Variants in NEXN observed in about 807,000 individuals in gnomAD.
NEXN encodes nexilin.
A neutral mutation model predicts 92.6 loss-of-function variants in NEXN; 65 were observed. That is an observed-to-expected ratio of 0.70 (90% CI 0.57 to 0.86). NEXN has a LOEUF of 0.86. NEXN is among the 40% of genes least tolerant of loss of function. The pLI, the probability that NEXN is intolerant of heterozygous loss-of-function variation, is 0.00. For missense variants in NEXN, 778 were observed against 771.1 expected (o/e 1.01, Z -0.11); for synonymous variants, 254 against 242.5 (o/e 1.05, Z -0.44).
chr1:77,892,150 G>A (rs1202163005), intron 1 of NEXN, among the ~76,000 whole-genome samples: 1 of 151,794 alleles, frequency 6.6e-6, no homozygotes, highest in Non-Finnish European at 1.5e-5. Context: ...TTAAAATATC[G>A]ATTTACGTCC....
At chr1:77,900,183 T>A (rs748043448) in intron 1 of NEXN, among the ~76,000 whole-genome samples, 1 of 152,162 alleles carries the variant, frequency 6.6e-6, no homozygotes, top group African/African-American at 2.4e-5. Context: ...TTGCAATGGG[T>A]CACCAGGCAT....
chr1:77,932,988 C>T, intron 9 of NEXN: 1 of 262,990 alleles, frequency 3.8e-6, no homozygotes, highest in East Asian at 9.4e-5. Flanking sequence ...ATGGAGAAAC[C>T]CCGTCTCTAC....
chr1:77,915,843 C>A (rs1229481846), intron 1 of NEXN, among the ~76,000 whole-genome samples: 3 of 152,104 alleles, frequency 2.0e-5, no homozygotes, highest in African/African-American at 7.2e-5. Flanking sequence ...TATTCTGGAT[C>A]AAAAACTTTC....
intron 9 of NEXN, 127 bp downstream of exon 9, chr1:77,929,631 A>G: frequency 7.7e-7 from 1 of 1,295,940 alleles, no homozygotes; most frequent in Admixed American, 1.8e-5. Context: ...AATGGCAAAT[A>G]TGTTTTAAAG....
intron 10 of NEXN, among the ~76,000 whole-genome samples, chr1:77,934,027 T>TTTTTTTTTG (rs1650535247): frequency 1.3e-5 from 2 of 149,152 alleles, no homozygotes; most frequent in Non-Finnish European, 3.0e-5. Flanking sequence ...TTTTTTTTTT[T>TTTTTTTTTG]GAGATGGAGT....
Position 77,918,335 on chromosome 1 carries a change from C to G in NEXN, c.447+62C>G, listed in dbSNP as rs987534795. On this transcript the variant is annotated intron_variant, in intron 5 of 12. Coordinates refer to ENST00000334785, the MANE Select transcript of NEXN (RefSeq NM_144573.4). ...ACTAACTGTGCAAAGTAAAACTAAT[C>G]AGTATGTTGCCTAATTAAAATATTT... is the stretch of plus-strand genomic sequence containing the variant. 17 of 1,494,518 alleles carry G rather than the reference C, an allele frequency of 1.1e-5. No homozygotes were observed. The African/African-American group carries it at 1.5e-4, about 13-fold the overall frequency. 92.6% of individuals were successfully genotyped at this position (1,494,518 alleles called of 1,614,324 possible). A position where few individuals can be genotyped will look rare whatever the true frequency, so the allele number is the denominator to read the frequency against.
intron 3 of NEXN, 69 bp from the exon 4 acceptor site, chr1:77,917,891 A>G: frequency 6.8e-7 from 1 of 1,468,268 alleles, no homozygotes; most frequent in Non-Finnish European, 9.5e-7. Flanking sequence ...CCTAATTTAA[A>G]CTCTGCATAT....
At chr1:77,915,707 A>C (rs1393946455) in intron 1 of NEXN, among the ~76,000 whole-genome samples, 1 of 152,200 alleles carries the variant, frequency 6.6e-6, no homozygotes, top group Non-Finnish European at 1.5e-5. Flanking sequence ...AATAGCCAAA[A>C]ATTAGTAAAA....
chr1:77,937,643 C>T (rs955533122), intron 11 of NEXN, among the ~76,000 whole-genome samples: 2 of 151,248 alleles, frequency 1.3e-5, no homozygotes, highest in African/African-American at 4.9e-5. Flanking sequence ...GAGCTGAGAT[C>T]GCACCACTGC....
chr1:77,925,403 T>C lies in NEXN; in HGVS notation c.489+174T>C, dbSNP rs925739642. On this transcript the variant is annotated intron_variant, in intron 6 of 12. Coordinates refer to ENST00000334785, the MANE Select transcript of NEXN (RefSeq NM_144573.4). ...CATACTTTTGCACTTTCAAACACTATAGCTTAGTGTTTTTAAAGAAAAGTA... is the reference window on the plus strand; with the variant it reads ...CATACTTTTGCACTTTCAAACACTACAGCTTAGTGTTTTTAAAGAAAAGTA... Among the ~76,000 whole-genome samples, 8 of 152,174 alleles carry C rather than the reference T, an allele frequency of 5.3e-5. No individual in the cohort carries two copies. The South Asian group carries it at 1.2e-3, about 24-fold the overall frequency.
Position 77,935,986 on chromosome 1 carries a change from CAAG to C in NEXN, c.1419_1421del (p.Arg475del), listed in dbSNP as rs794729091. The C allele has an allele frequency of 1.2e-4, 196 of 1,613,672 alleles. No homozygotes were observed. The highest frequency in any genetic ancestry group is 1.2e-3 in the Middle Eastern group (7 of 6,084). ...CAGAAAAAAATAGAAGAAGAGCGAG[CAAG>C]AAGGAGAGCAATTGACCTTGAAATT... On this transcript the variant is annotated inframe_deletion, in exon 11 of 13. Transcript: ENST00000334785.
intron 11 of NEXN, among the ~76,000 whole-genome samples, chr1:77,939,586 T>C (rs529978723): frequency 6.6e-6 from 1 of 152,320 alleles, no homozygotes; most frequent in Admixed American, 6.5e-5. Context: ...AATATGTAGG[T>C]AATAACAAAA....
At chr1:77,892,390 GC>G (rs1205934347) in intron 1 of NEXN, among the ~76,000 whole-genome samples, 3 of 152,136 alleles carry the variant, frequency 2.0e-5, no homozygotes, top group Non-Finnish European at 4.4e-5. Flanking sequence ...AATAGTGGCT[GC>G]CCCACAGACA....
At chr1:77,917,853 T>TAACTAA in intron 3 of NEXN, 96 bp downstream of exon 3, 1 of 1,416,120 alleles carries the variant, frequency 7.1e-7, no homozygotes, top group South Asian at 1.2e-5. Flanking sequence ...ACATTAACTA[T>TAACTAA]AACTAAAATA....
intron 1 of NEXN, among the ~76,000 whole-genome samples, chr1:77,900,539 AT>A (rs1647617088): frequency 1.3e-5 from 2 of 152,182 alleles, no homozygotes; most frequent in Non-Finnish European, 2.9e-5. Flanking sequence ...AAAATAATGT[AT>A]TGTAAATACA....
Position 77,919,318 on chromosome 1 carries a change from A to G in NEXN, c.447+1045A>G, listed in dbSNP as rs186041642. Among the ~76,000 whole-genome samples, 54 of 152,282 alleles carry G rather than the reference A, an allele frequency of 3.5e-4. 2 individuals carry two copies. Among genetic ancestry groups the G allele is most frequent in the Admixed American group, 2.8e-3 (43 of 15,292 alleles). On this transcript the variant is annotated intron_variant, in intron 5 of 12. Coordinates refer to ENST00000334785, the MANE Select transcript of NEXN (RefSeq NM_144573.4). ...TTGGGTGGGGACACAGAGCCAAACC[A>G]TATCAGCTGGTCTTTTAAGGCATAC...
chr1:77,903,131 C>A (rs904599942), intron 1 of NEXN, among the ~76,000 whole-genome samples: 4 of 150,922 alleles, frequency 2.7e-5, no homozygotes, highest in Non-Finnish European at 5.9e-5. Context: ...CACTAGAGCA[C>A]AGAGAGGTAG....
At chr1:77,914,138 T>G (rs1180682519) in intron 1 of NEXN, among the ~76,000 whole-genome samples, 1 of 152,142 alleles carries the variant, frequency 6.6e-6, no homozygotes, top group Non-Finnish European at 1.5e-5. Flanking sequence ...AACTGCTCTG[T>G]GCAATACTGT....
intron 9 of NEXN, among the ~76,000 whole-genome samples, chr1:77,932,713 T>C (rs1191684989): frequency 6.6e-6 from 1 of 152,248 alleles, no homozygotes; most frequent in Non-Finnish European, 1.5e-5. Context: ...TTCACTGTAA[T>C]GGAGAATAGA....
Sources: allele counts gnomAD v4.1 joint callset (sites outside exome capture counted in the v4.1 genomes callset), GRCh38; gene constraint gnomAD v4.1.1; transcripts MANE v1.5; gene names NCBI Gene and HGNC (gene_info 2026-07-23, HGNC 2026-07-21).